MAGT1: variants seen among roughly 807,000 people sequenced by gnomAD.
MAGT1 encodes the protein dolichyl-diphosphooligosaccharide--protein glycosyltransferase subunit MAGT1.
Under a neutral mutation model 28.4 loss-of-function variants are expected in MAGT1, and 4 were observed. The ratio of observed to expected loss-of-function variants is 0.14; its 90% CI spans 0.07 to 0.32. The LOEUF is 0.32. MAGT1 is among the 10% of genes least tolerant of loss of function. The pLI is 1.00. For missense variants in MAGT1, 193 were observed against 264.5 expected (o/e 0.73, Z 1.88); for synonymous variants, 89 against 89.7 (o/e 0.99, Z 0.04).
intron 4 of MAGT1, 119 bp from the exon 5 acceptor site, chrX:77,856,992 A>T: frequency 1.5e-6 from 1 of 653,788 alleles, no homozygotes; most frequent in Non-Finnish European, 2.4e-6. Context: ...CGGAAAAATG[A>T]TCCTTTTTAT....
chrX:77,892,770 C>T (rs1398746412), intron 1 of MAGT1, among the ~76,000 whole-genome samples: 1 of 110,663 alleles, frequency 9.0e-6, no homozygotes, highest in Non-Finnish European at 1.9e-5. Context: ...ACACTCCAGC[C>T]TTGGCAACAG....
chrX:77,849,266 G>C (rs1006301978), intron 7 of MAGT1, among the ~76,000 whole-genome samples: 25 of 108,604 alleles, frequency 2.3e-4, no homozygotes, highest in African/African-American at 8.4e-4. Flanking sequence ...TTTTAGTAGA[G>C]AAAGGGTTTT....
intron 7 of MAGT1, among the ~76,000 whole-genome samples, chrX:77,848,849 G>GAAA (rs1273155769): frequency 2.7e-5 from 3 of 109,546 alleles, no homozygotes; most frequent in Non-Finnish European, 5.7e-5. Flanking sequence ...TCCATCTCTA[G>GAAA]AAAAAAATAC....
At chrX:77,891,708 T>C (rs782237579) in intron 1 of MAGT1, among the ~76,000 whole-genome samples, 7 of 111,379 alleles carry the variant, frequency 6.3e-5, no homozygotes, top group East Asian at 2.8e-4. Flanking sequence ...AGCAGGAGGA[T>C]TGCTGGAGGC....
At chrX:77,858,000 C>G (rs1221132392) in intron 3 of MAGT1, among the ~76,000 whole-genome samples, 1 of 111,563 alleles carries the variant, frequency 9.0e-6, no homozygotes, top group Non-Finnish European at 1.9e-5. Context: ...ATGAGCACCA[C>G]ATTTCTCTAT....
chrX:77,847,154 C>T (rs1397450283), intron 7 of MAGT1, among the ~76,000 whole-genome samples: 2 of 112,100 alleles, frequency 1.8e-5, no homozygotes, highest in Non-Finnish European at 3.8e-5. Flanking sequence ...CCCCCAGCCT[C>T]GCTGCCGCCC....
intron 7 of MAGT1, among the ~76,000 whole-genome samples, chrX:77,850,872 A>T (rs919010774): frequency 2.2e-4 from 25 of 111,906 alleles, no homozygotes; most frequent in Non-Finnish European, 1.9e-5. Flanking sequence ...CCATTATTCA[A>T]TTTCAAAGTA....
intron 1 of MAGT1, among the ~76,000 whole-genome samples, chrX:77,883,876 G>A (rs1249905355): frequency 9.0e-6 from 1 of 110,929 alleles, no homozygotes; most frequent in African/African-American, 3.3e-5. Context: ...ATTGAAAACA[G>A]ATCACAACAA....
intron 1 of MAGT1, among the ~76,000 whole-genome samples, chrX:77,881,506 C>T (rs1470867771): frequency 3.8e-5 from 4 of 104,542 alleles, no homozygotes; most frequent in African/African-American, 1.4e-4. Flanking sequence ...TGAGTGAGAA[C>T]ATGCGGTGTT....
At chrX:77,873,293 G>C (rs2077024863) in intron 2 of MAGT1, among the ~76,000 whole-genome samples, 1 of 111,864 alleles carries the variant, frequency 8.9e-6, no homozygotes, top group Admixed American at 9.6e-5. Flanking sequence ...CAAGGCTTGG[G>C]GTGGCAGAAC....
At chrX:77,831,340 T>C (rs192270835) in intron 8 of MAGT1, among the ~76,000 whole-genome samples, 1 of 110,601 alleles carries the variant, frequency 9.0e-6, no homozygotes. Context: ...TTTCAGAGAG[T>C]GAAAAGGAAG....
intron 7 of MAGT1, among the ~76,000 whole-genome samples, chrX:77,845,672 G>T (rs1019219322): frequency 9.0e-6 from 1 of 111,303 alleles, no homozygotes; most frequent in Non-Finnish European, 1.9e-5. Flanking sequence ...GTCTGTAAAG[G>T]ATTTTATTTC....
intron 1 of MAGT1, among the ~76,000 whole-genome samples, chrX:77,889,406 C>T (rs1237698868): frequency 1.9e-5 from 2 of 102,969 alleles, no homozygotes; most frequent in African/African-American, 7.1e-5. Flanking sequence ...ATGACTCTGT[C>T]GCCCAGGCTG....
intron 5 of MAGT1, among the ~76,000 whole-genome samples, 168 bp from the exon 6 acceptor site, chrX:77,855,758 C>T (rs2076979891): frequency 1.8e-5 from 2 of 111,478 alleles, no homozygotes; most frequent in Non-Finnish European, 3.8e-5. Context: ...TTCGATAATA[C>T]TTCAAAAGGA....
chrX:77,839,884 T>G (rs1197375925), intron 8 of MAGT1, among the ~76,000 whole-genome samples: 1 of 110,203 alleles, frequency 9.1e-6, no homozygotes, highest in South Asian at 3.9e-4. Context: ...TGACCTCAAG[T>G]GATCCACCCG....
At chrX:77,877,012 TC>T (rs1407995476) in intron 1 of MAGT1, among the ~76,000 whole-genome samples, 2 of 28,259 alleles carry the variant, frequency 7.1e-5, no homozygotes, top group Non-Finnish European at 1.1e-4. Context: ...GAACTCCATC[TC>T]AAAAAAAAAA....
rs1239647144 is a variant in MAGT1, at chrX:77,866,480, C to T, written c.390+4328G>A. ...TCTTGTGGACAAGGGCCCTAACTGC[C>T]TTTGTTCTGGACAATCTTCTCAAGG... On this transcript the variant is annotated intron_variant, in intron 3 of 9. Transcript: ENST00000618282. Among the ~76,000 whole-genome samples, 5 of 66,579 alleles carry T rather than the reference C, an allele frequency of 7.5e-5. 1 individual carries two copies. Among genetic ancestry groups the T allele is most frequent in the African/African-American group, 1.7e-4 (5 of 28,642 alleles). The allele number at this position is 66,579 out of a possible 115,157, so 57.8% of individuals were successfully genotyped here.
intron 1 of MAGT1, among the ~76,000 whole-genome samples, chrX:77,879,995 C>T (rs2077046963): frequency 9.5e-6 from 1 of 105,191 alleles, no homozygotes; most frequent in South Asian, 4.6e-4. Context: ...CGCACTACCA[C>T]CCCCGGCTAA....
rs1317411417 is a variant in MAGT1 at position 77,858,712 on chromosome X, T to C, written c.391-1215A>G. On this transcript the variant is annotated intron_variant, in intron 3 of 9. Coordinates refer to ENST00000618282, the MANE Select transcript of MAGT1 (RefSeq NM_001367916.1). ...TTGGTTACCAATGTCCATAGATTTA[T>C]ATGCCTTGGTCAGTAGGCACAAAAT... Among the ~76,000 whole-genome samples the C allele has an allele frequency of 5.4e-5, 6 of 111,507 alleles. No homozygotes were observed. In the Admixed American group the frequency reaches 5.8e-4, roughly 11 times the overall value.
Sources: gnomAD v4.1 joint callset for allele counts (sites outside exome capture counted in the v4.1 genomes callset) on GRCh38, gnomAD v4.1.1 for gene constraint, MANE v1.5 for transcripts, NCBI Gene and HGNC (gene_info 2026-07-23, HGNC 2026-07-21) for gene names.